Variants in IL6R observed in about 807,000 individuals in gnomAD.
The protein encoded by IL6R is interleukin-6 receptor subunit alpha.
Under a neutral mutation model 48.3 loss-of-function variants are expected in IL6R, and 38 were observed. The ratio of observed to expected loss-of-function variants is 0.79; its 90% confidence interval spans 0.61 to 1.03. IL6R has a LOEUF of 1.03. IL6R is among the 50% of genes least tolerant of loss of function. IL6R has a pLI of 0.00. For missense variants in IL6R, 534 were observed against 618.3 expected (o/e 0.86, Z 1.45); for synonymous variants, 264 against 256.2 (o/e 1.03, Z -0.29).
At position 154,429,402 on chromosome 1, in the gene IL6R, C is replaced by A; in HGVS notation, c.292C>A (p.Arg98=). Residue 98 remains arginine (R), a synonymous_variant, in exon 2 of 10, where the codon CGG becomes AGG. Transcript: ENST00000368485. The part of the protein sequence containing the change: ...LHDSGNYSCY[R]AGRPAGTVHL... The stretch of plus-strand genomic sequence containing the variant: ...CGACTCTGGAAACTATTCATGCTAC[C>A]GGGCCGGCCGCCCAGCTGGGACTGT... 1 of 1,613,806 alleles carries A rather than the reference C, an allele frequency of 6.2e-7. No homozygotes were observed.
At chr1:154,406,091 G>A (rs1421993606) in intron 1 of IL6R, among the ~76,000 whole-genome samples, 1 of 152,136 alleles carries the variant, frequency 6.6e-6, no homozygotes, top group African/African-American at 2.4e-5. Flanking sequence ...GAGAGGGCGC[G>A]CCCCAGCGGG....
At chr1:154,407,525 C>G (rs1687796462) in intron 1 of IL6R, among the ~76,000 whole-genome samples, 1 of 152,112 alleles carries the variant, frequency 6.6e-6, no homozygotes. Flanking sequence ...GTAGAAATAC[C>G]CAGCCCCTCT....
chr1:154,448,675 G>C (rs1447611415), intron 7 of IL6R, among the ~76,000 whole-genome samples: 1 of 152,084 alleles, frequency 6.6e-6, no homozygotes, highest in African/African-American at 2.4e-5. Context: ...AGGAGCCTGG[G>C]GCTCTTGAAC....
At chr1:154,429,810 A>G (rs1024950664) in intron 2 of IL6R, among the ~76,000 whole-genome samples, 1 of 152,016 alleles carries the variant, frequency 6.6e-6, no homozygotes, top group Admixed American at 6.6e-5. Flanking sequence ...CTTACCTTAG[A>G]GTTGTTGCAA....
intron 1 of IL6R, among the ~76,000 whole-genome samples, chr1:154,406,995 G>T (rs969886003): frequency 6.6e-6 from 1 of 152,244 alleles, no homozygotes; most frequent in South Asian, 2.1e-4. Context: ...GTCAGGCCCC[G>T]GTGATGGAGG....
In IL6R at chr1:154,454,268, C is replaced by T. The variant is rs1240495198; in HGVS notation, c.1067-220C>T. On this transcript the variant is annotated intron_variant, in intron 8 of 9. Transcript: ENST00000368485. ...GTGGAATCCTGGAATCTAGAGTGGGCTTTGTTAAGAAACAAACAAACAAAC... is the reference window on the plus strand; with the variant it reads ...GTGGAATCCTGGAATCTAGAGTGGGTTTTGTTAAGAAACAAACAAACAAAC... 1.0e-5 allele frequency: 6 copies of T among 571,538 alleles called. No individual in the cohort carries two copies. The Admixed American group carries it at 1.5e-4, about 15-fold the overall frequency. The allele number at this position is 571,538 out of a possible 1,614,324, so 35.4% of individuals were successfully genotyped here. A position where few individuals can be genotyped will look rare whatever the true frequency, so the allele number is the denominator to read the frequency against.
intron 6 of IL6R, among the ~76,000 whole-genome samples, chr1:154,438,377 C>T (rs74743932): frequency 0.015 from 2,212 of 152,094 alleles, 63 homozygotes; most frequent in African/African-American, 0.05. Context: ...GCTTACTACC[C>T]CTTGCAGCAA....
At chr1:154,439,139 A>G (rs1000933742) in intron 6 of IL6R, among the ~76,000 whole-genome samples, 4 of 152,120 alleles carry the variant, frequency 2.6e-5, no homozygotes, top group African/African-American at 9.7e-5. Context: ...GCAGAGGAAT[A>G]GGAATTCCAA....
rs117709635 is a variant in IL6R at position 154,444,703 on chromosome 1, G to A, written c.950-3422G>A. Among the ~76,000 whole-genome samples, 368 of 152,150 alleles carry A rather than the reference G, an allele frequency of 2.4e-3. 14 individuals are homozygous for A. In the East Asian group the frequency reaches 0.066, roughly 27 times the overall value. On this transcript the variant is annotated intron_variant, in intron 6 of 9. Transcript: ENST00000368485. ...GCCTGAGCCCAGGAGATAGAGACCA[G>A]CCGGGCACCATAAGGAGACCCTGTC...
At chr1:154,456,367 G>A (rs1170942701) in intron 9 of IL6R, among the ~76,000 whole-genome samples, 2 of 151,884 alleles carry the variant, frequency 1.3e-5, no homozygotes, top group Non-Finnish European at 2.9e-5. Context: ...CACTACGCCC[G>A]GCTAATTTTT....
intron 1 of IL6R, among the ~76,000 whole-genome samples, chr1:154,426,477 C>T (rs537334290): frequency 4.7e-5 from 7 of 148,708 alleles, no homozygotes; most frequent in South Asian, 4.3e-4. Flanking sequence ...GCCGAGATCG[C>T]GCCATTGCAC....
At chr1:154,407,627 G>A (rs891321174) in intron 1 of IL6R, among the ~76,000 whole-genome samples, 1 of 152,210 alleles carries the variant, frequency 6.6e-6, no homozygotes, top group Non-Finnish European at 1.5e-5. Flanking sequence ...GAGATGTTTC[G>A]CTTTAGAGAA....
chr1:154,459,927 T>G (rs560149480), intron 9 of IL6R, among the ~76,000 whole-genome samples: 21 of 152,292 alleles, frequency 1.4e-4, no homozygotes, highest in African/African-American at 5.1e-4. Flanking sequence ...CATTCCGGTA[T>G]TTTAAAATCA....
chr1:154,416,714 T>A (rs886118507), intron 1 of IL6R, among the ~76,000 whole-genome samples: 1 of 152,028 alleles, frequency 6.6e-6, no homozygotes, highest in Non-Finnish European at 1.5e-5. Flanking sequence ...GGGGTGGGGA[T>A]GGCTCAGCAG....
chr1:154,430,408 G>A (rs1689227098), intron 2 of IL6R, 75 bp from the exon 3 acceptor site: 2 of 1,574,330 alleles, frequency 1.3e-6, no homozygotes, highest in South Asian at 1.2e-5. Context: ...CTCAAGGGAG[G>A]CTGCCCTGTC....
chr1:154,411,021 A>G (rs1687988510), intron 1 of IL6R, among the ~76,000 whole-genome samples: 1 of 152,228 alleles, frequency 6.6e-6, no homozygotes, highest in African/African-American at 2.4e-5. Context: ...CTGTAGGACA[A>G]GATGAGAGGC....
chr1:154,447,464 T>TAC lies in IL6R; in HGVS notation c.950-660_950-659insCA, dbSNP rs1558323479. 2.5e-3 allele frequency among the ~76,000 whole-genome samples: 238 copies of TAC among 93,464 alleles called. 6 individuals are homozygous for TAC. The highest frequency in any genetic ancestry group is 0.013 in the African/African-American group (223 of 17,588). The allele number at this position is 93,464 out of a possible 152,430, so 61.3% of individuals were successfully genotyped here. On this transcript the variant is annotated intron_variant, in intron 6 of 9. Transcript: ENST00000368485. ...AAAAAAAAAAAAAAAAATATATATA[T>TAC]ATATATATATATACACACACACACA...
intron 1 of IL6R, among the ~76,000 whole-genome samples, chr1:154,413,918 T>G (rs1375006784): frequency 6.6e-6 from 1 of 152,074 alleles, no homozygotes; most frequent in Admixed American, 6.6e-5. Flanking sequence ...CACTGCAGCC[T>G]CAATTTCCTG....
chr1:154,444,208 C>CTTT (rs562457712), intron 6 of IL6R, among the ~76,000 whole-genome samples: 189 of 138,194 alleles, frequency 1.4e-3, no homozygotes, highest in Middle Eastern at 3.7e-3. Flanking sequence ...AAGTTGCTAG[C>CTTT]TTTTTTTTTT....
Sources: gnomAD v4.1 joint callset for allele counts (sites outside exome capture counted in the v4.1 genomes callset) on GRCh38, gnomAD v4.1.1 for gene constraint, MANE v1.5 for transcripts, NCBI Gene and HGNC (gene_info 2026-07-23, HGNC 2026-07-21) for gene names.